Variants in DNAH9 observed in about 807,000 individuals in gnomAD.
DNAH9 encodes the protein DNAH9 variant protein.
In DNAH9, 345 loss-of-function variants were observed where a neutral mutation model predicts 471.6. That is an observed-to-expected ratio of 0.73 (90% CI 0.67 to 0.80). The LOEUF (loss-of-function observed/expected upper bound fraction) is 0.80. DNAH9 is among the 30% of genes least tolerant of loss of function. The pLI, the probability that DNAH9 is intolerant of heterozygous loss-of-function variation, is 0.00. For missense variants in DNAH9, 5,407 were observed against 5,609.2 expected, an observed-to-expected ratio of 0.96 and a Z score of 1.15; for synonymous variants, 2,093 against 2,123.6, an observed-to-expected ratio of 0.99 and a Z score of 0.40.
intron 14 of DNAH9, among the ~76,000 whole-genome samples, chr17:11,662,029 TTATC>T (rs2073774695): frequency 6.6e-6 from 1 of 152,132 alleles, no homozygotes; most frequent in Admixed American, 6.6e-5. Flanking sequence ...CAGTCTTTGT[TTATC>T]TAAAAATGTC....
intron 48 of DNAH9, 125 bp from the exon 49 acceptor site, chr17:11,834,513 G>A (rs1447670675): frequency 6.0e-5 from 67 of 1,120,534 alleles, no homozygotes; most frequent in Non-Finnish European, 7.7e-5. Flanking sequence ...TGTATCAGGA[G>A]CTGTCATCTA....
In DNAH9 at chr17:11,969,735, G is replaced by T; in HGVS notation, c.*208G>T. On this transcript the variant is annotated 3_prime_UTR_variant, in exon 69 of 69. Coordinates refer to ENST00000262442, the MANE Select transcript of DNAH9 (RefSeq NM_001372.4). Reference sequence around the variant, plus strand: ...GTGGGCCCAGGTTTCTTAATAAAATGATTTACTCTTCAACTGTGTCTGGCC... The same window carrying T: ...GTGGGCCCAGGTTTCTTAATAAAATTATTTACTCTTCAACTGTGTCTGGCC... The T allele has an allele frequency of 5.4e-6, 3 of 553,470 alleles. No individual in the cohort carries two copies. The highest frequency in any genetic ancestry group is 9.7e-6 in the Non-Finnish European group (3 of 310,496). The allele number at this position is 553,470 out of a possible 1,614,324, so 34.3% of individuals were successfully genotyped here.
chr17:11,652,400 C>G (rs1475448661), intron 13 of DNAH9, among the ~76,000 whole-genome samples: 1 of 151,074 alleles, frequency 6.6e-6, no homozygotes, highest in East Asian at 2.0e-4. Context: ...ATTCTCCTGC[C>G]TCAGCCTCCC....
At position 11,932,271 on chromosome 17, in the gene DNAH9, G is replaced by T. The variant is rs1974543487; in HGVS notation, c.12297+66G>T. The T allele has an allele frequency of 6.6e-6, 10 of 1,524,484 alleles. No homozygotes were observed. Among genetic ancestry groups the T allele is most frequent in the Middle Eastern group, 2.3e-4 (1 of 4,318 alleles). The allele number at this position is 1,524,484 out of a possible 1,614,324, so 94.4% of individuals were successfully genotyped here. ...AGGGTTAAAATTATTTAATTTTGAG[G>T]GGTGAATCAGAGGGGTCTAGGATGG... is the stretch of plus-strand genomic sequence containing the variant. On this transcript the variant is annotated intron_variant, in intron 64 of 68. Transcript: ENST00000262442. This position sits in a 1 kb window ranked among gnomAD's most constrained non-coding sequence, Gnocchi z 4.3.
chr17:11,930,167 CA>C, intron 63 of DNAH9, 74 bp downstream of exon 63: 1 of 1,295,536 alleles, frequency 7.7e-7, no homozygotes, highest in Non-Finnish European at 1.1e-6. Flanking sequence ...GGGGGGAGAG[CA>C]TGCAACTCAG....
chr17:11,841,507 G>A (rs2150959252), intron 49 of DNAH9, among the ~76,000 whole-genome samples: 1 of 152,314 alleles, frequency 6.6e-6, no homozygotes, highest in African/African-American at 2.4e-5. Context: ...ATCTTGCTCA[G>A]TGAATCTGCA....
chr17:11,941,315 C>T (rs1007221745), intron 66 of DNAH9, among the ~76,000 whole-genome samples: 5 of 152,250 alleles, frequency 3.3e-5, no homozygotes, highest in Middle Eastern at 3.4e-3. Context: ...GGCTGGCGCT[C>T]GCTCACTCCC....
intron 35 of DNAH9, among the ~76,000 whole-genome samples, chr17:11,761,892 G>A (rs1403169844): frequency 1.3e-5 from 2 of 152,052 alleles, no homozygotes; most frequent in Non-Finnish European, 2.9e-5. Flanking sequence ...CTGTACTCTT[G>A]AGAGGGTGAG....
chr17:11,612,033 T>C, intron 4 of DNAH9: 1 of 602,706 alleles, frequency 1.7e-6, no homozygotes, highest in South Asian at 2.0e-5. Context: ...GTACGTGTGT[T>C]GGTTATGGGG....
intron 19 of DNAH9, among the ~76,000 whole-genome samples, chr17:11,683,705 C>T (rs1056055946): frequency 6.6e-6 from 1 of 151,888 alleles, no homozygotes; most frequent in Admixed American, 6.6e-5. Context: ...TCTTTCTTTG[C>T]ACTTGTATCT....
At chr17:11,608,599 A>G (rs2072559318) in intron 2 of DNAH9, among the ~76,000 whole-genome samples, 1 of 152,124 alleles carries the variant, frequency 6.6e-6, no homozygotes, top group African/African-American at 2.4e-5. Flanking sequence ...GCTGAGCGCA[A>G]CCACACTAGC....
intron 61 of DNAH9, among the ~76,000 whole-genome samples, chr17:11,915,801 G>C (rs1261689165): frequency 6.6e-6 from 1 of 152,194 alleles, no homozygotes; most frequent in Non-Finnish European, 1.5e-5. Context: ...TTCTCAACTA[G>C]AGATTCTTAC....
intron 49 of DNAH9, among the ~76,000 whole-genome samples, chr17:11,847,781 A>G (rs1428684283): frequency 6.6e-6 from 1 of 152,128 alleles, no homozygotes; most frequent in African/African-American, 2.4e-5. Flanking sequence ...AACCTGAGAG[A>G]CTTGATTTGC....
intron 49 of DNAH9, among the ~76,000 whole-genome samples, chr17:11,844,792 G>A (rs1971156799): frequency 6.6e-6 from 1 of 152,116 alleles, no homozygotes; most frequent in Non-Finnish European, 1.5e-5. Context: ...ATGAAGGTAT[G>A]AAGGTTTGTT....
chr17:11,746,785 G>T (rs1966895709), intron 31 of DNAH9, among the ~76,000 whole-genome samples: 2 of 152,306 alleles, frequency 1.3e-5, no homozygotes, highest in East Asian at 3.9e-4. Flanking sequence ...TAAGGGAAAT[G>T]ATTTCAAGAC....
intron 22 of DNAH9, among the ~76,000 whole-genome samples, chr17:11,695,715 C>T (rs1000629991): frequency 6.6e-6 from 1 of 152,192 alleles, no homozygotes. Flanking sequence ...TCCTCGGTCC[C>T]ACTCCCACTG....
At position 11,929,865 on chromosome 17, in the gene DNAH9, GA is replaced by G. The variant is rs1303229270; in HGVS notation, c.11879del (p.Asn3960ThrfsTer31). 2 of 1,612,288 alleles carry G rather than the reference GA, an allele frequency of 1.2e-6. No individual in the cohort carries two copies. Among genetic ancestry groups the G allele is most frequent in the Non-Finnish European group, 1.7e-6 (2 of 1,179,264 alleles). ...AGGGGGGGCTCCTTCCTTCCCACTAGAACATTCACCTGGTGGCCAAGTGGCT... is the reference window on the plus strand; with the variant it reads ...AGGGGGGGCTCCTTCCTTCCCACTAGACATTCACCTGGTGGCCAAGTGGCT... ...AKKGHWVILQ[N>X]IHLVAKWLST... On this transcript the variant is annotated frameshift_variant and splice_region_variant, in exon 63 of 69. Coordinates refer to ENST00000262442, the MANE Select transcript of DNAH9 (RefSeq NM_001372.4). LOFTEE classifies it high-confidence loss of function.
chr17:11,728,085 T>C (rs1219574909), intron 28 of DNAH9, 163 bp downstream of exon 28: 4 of 600,458 alleles, frequency 6.7e-6, no homozygotes, highest in Non-Finnish European at 1.2e-5. Context: ...AGGGAAGCTG[T>C]CCTCCAAAAT....
chr17:11,840,686 T>G (rs1796443291), intron 49 of DNAH9, among the ~76,000 whole-genome samples: 2 of 152,072 alleles, frequency 1.3e-5, no homozygotes, highest in South Asian at 4.2e-4. Context: ...ATTATCCAGG[T>G]GGGCCCTAAG....
Sources: allele counts gnomAD v4.1 joint callset (sites outside exome capture counted in the v4.1 genomes callset), GRCh38; gene constraint gnomAD v4.1.1; non-coding constraint Gnocchi (gnomAD v3.1); transcripts MANE v1.5; gene names NCBI Gene and HGNC (gene_info 2026-07-23, HGNC 2026-07-21).